SF3B3: variants seen among roughly 807,000 people sequenced by gnomAD.
SF3B3 encodes the protein splicing factor 3b subunit 3.
Under a neutral mutation model 139.2 loss-of-function variants are expected in SF3B3, and 33 were observed. The ratio of observed to expected loss-of-function variants is 0.24; its 90% CI spans 0.18 to 0.32. The LOEUF (loss-of-function observed/expected upper bound fraction) is 0.32, where lower values mean the gene tolerates loss of function less well. Among genes scored for constraint, SF3B3 ranks in the 10% least tolerant of loss-of-function variants. SF3B3 has a pLI of 1.00. For missense variants in SF3B3, 818 were observed against 1,509.4 expected (o/e 0.54, Z 7.59); for synonymous variants, 596 against 563.6 (o/e 1.06, Z -0.81).
intron 15 of SF3B3, among the ~76,000 whole-genome samples, chr16:70,558,891 C>T (rs1220256427): frequency 6.6e-6 from 1 of 152,220 alleles, no homozygotes; most frequent in Non-Finnish European, 1.5e-5. Context: ...GACACCATGC[C>T]TGGTCCTGTC....
intron 7 of SF3B3, 117 bp from the exon 8 acceptor site, chr16:70,538,987 T>C: frequency 1.3e-6 from 1 of 766,998 alleles, no homozygotes; most frequent in Admixed American, 2.0e-5. Flanking sequence ...CCGGAGTTTG[T>C]TGACCCCTGG....
intron 4 of SF3B3, 49 bp downstream of exon 4, chr16:70,530,966 T>G: frequency 1.3e-6 from 2 of 1,534,510 alleles, no homozygotes; most frequent in Non-Finnish European, 1.8e-6. Context: ...CCTCAGTGTT[T>G]TTTTTTAAGA....
At chr16:70,526,295 C>T (rs1403941456) in intron 1 of SF3B3, among the ~76,000 whole-genome samples, 3 of 152,010 alleles carry the variant, frequency 2.0e-5, no homozygotes, top group Non-Finnish European at 2.9e-5. Flanking sequence ...ACAACCTCCG[C>T]CTCCCAGGTT....
rs1422271896 is a variant in SF3B3 at position 70,530,666 on chromosome 16, T to A, written c.398-79T>A. 6.9e-6 allele frequency: 8 copies of A among 1,161,390 alleles called. No individual in the cohort carries two copies. In the Admixed American group the frequency reaches 1.8e-4, roughly 26 times the overall value. The allele number at this position is 1,161,390 out of a possible 1,614,324, so 71.9% of individuals were successfully genotyped here. ...GTTAATAATGATTAAAAGAAAAGCA[T>A]GATGTGACTCTAGCTGTTCTATAAG... On this transcript the variant is annotated intron_variant, in intron 3 of 25. Transcript: ENST00000302516.
chr16:70,556,431 T>G, intron 14 of SF3B3, 97 bp downstream of exon 14: 26 of 1,365,438 alleles, frequency 1.9e-5, no homozygotes, highest in Non-Finnish European at 2.6e-5. Context: ...TGTCTATCTC[T>G]GAGATCAGCT....
intron 15 of SF3B3, among the ~76,000 whole-genome samples, chr16:70,559,826 C>T (rs1178323710): frequency 6.6e-6 from 1 of 150,772 alleles, no homozygotes; most frequent in Non-Finnish European, 1.5e-5. Context: ...TGGTCTTTAG[C>T]TCTTGGCCTC....
chr16:70,531,277 C>T (rs541763863), intron 4 of SF3B3, among the ~76,000 whole-genome samples: 87 of 151,802 alleles, frequency 5.7e-4, no homozygotes, highest in Middle Eastern at 3.4e-3. Flanking sequence ...CAAAAAAAAA[C>T]GAAAAGATCG....
In SF3B3 at chr16:70,568,289, G is replaced by A. The variant is rs1442675321; in HGVS notation, c.2959G>A (p.Ala987Thr). The change falls in exon 22 of 26, where the codon GCC becomes ACC. Residue 987 changes from alanine to threonine, a missense_variant. By Grantham distance (58) the Ala-to-Thr change is moderately conservative. Coordinates refer to ENST00000302516, the MANE Select transcript of SF3B3 (RefSeq NM_012426.5). ...LLRKCENKHI[A>T]NYISGIQTIG... is the part of the protein sequence containing the mutation. The stretch of plus-strand genomic sequence containing the variant: ...TTGTCTTTGTTTTTCCCAGCATATT[G>A]CCAATTATATCTCTGGGATCCAGAC... 1.2e-6 allele frequency: 2 copies of A among 1,609,564 alleles called. No individual in the cohort carries two copies. Among genetic ancestry groups the A allele is most frequent in the Non-Finnish European group, 1.7e-6 (2 of 1,176,108 alleles).
intron 11 of SF3B3, 88 bp from the exon 12 acceptor site, chr16:70,554,358 G>A (rs2050359881): frequency 1.6e-6 from 2 of 1,284,008 alleles, no homozygotes; most frequent in Admixed American, 1.8e-5. Context: ...TGCCTTGGAA[G>A]GTTTCTGAAG....
chr16:70,541,869 TC>T (rs1472263907), intron 9 of SF3B3, 35 bp downstream of exon 9: 2 of 1,571,436 alleles, frequency 1.3e-6, no homozygotes, highest in African/African-American at 2.7e-5. Context: ...CCACAATAGA[TC>T]TAAAGTTAAA....
At chr16:70,536,804 TTTC>T (rs1302015103) in intron 6 of SF3B3, among the ~76,000 whole-genome samples, 1 of 136,440 alleles carries the variant, frequency 7.3e-6, no homozygotes, top group Non-Finnish European at 1.6e-5. Flanking sequence ...GCTAATTTTC[TTTC>T]TTTTTTTTTT....
chr16:70,574,989 A>G lies in SF3B3; in HGVS notation c.*3176A>G. 6.6e-6 allele frequency: 1 copy of G among 152,148 alleles called. No homozygotes were observed. The highest frequency in any genetic ancestry group is 1.5e-5 in the Non-Finnish European group (1 of 68,026). 9.4% of individuals were successfully genotyped at this position (152,148 alleles called of 1,614,324 possible). ...GTCCAAAAAACGTCACAACGGAGGA[A>G]AGGAATAGATGGCTCTCGAGGACAA... is the stretch of plus-strand genomic sequence containing the variant. On this transcript the variant is annotated 3_prime_UTR_variant, in exon 26 of 26. Transcript: ENST00000302516.
At chr16:70,569,838 G>T in intron 23 of SF3B3, 168 bp from the exon 24 acceptor site, 1 of 680,614 alleles carries the variant, frequency 1.5e-6, no homozygotes. Context: ...TGTTGCCCAG[G>T]CTGGTCTTGA....
rs756913889 is a variant in SF3B3, at chr16:70,561,797, C to T, written c.2288+13C>T. 19 of 1,611,934 alleles carry T rather than the reference C, an allele frequency of 1.2e-5. No homozygotes were observed. Among genetic ancestry groups the T allele is most frequent in the South Asian group, 6.6e-5 (6 of 90,872 alleles). On this transcript the variant is annotated intron_variant, in intron 17 of 25. Transcript: ENST00000302516. ...CCAACACCCTACGGTGAGTGAGTCT[C>T]ATGTTTGAAGCTCAGCAGGAAGCCT...
At position 70,561,757 on chromosome 16, in the gene SF3B3, T is replaced by C; in HGVS notation, c.2261T>C (p.Ile754Thr). Reference sequence around the variant, plus strand: ...GCCTCGGAACAGTGTCCCGAGGGCATTGTGGCCATCTCCACCAACACCCTA... The same window carrying C: ...GCCTCGGAACAGTGTCCCGAGGGCACTGTGGCCATCTCCACCAACACCCTA... ...GFASEQCPEGIVAISTNTLRI... is the reference protein window; with the variant it reads ...GFASEQCPEGTVAISTNTLRI... The change falls in exon 17 of 26, where the codon ATT (isoleucine) becomes ACT (threonine). Residue 754 changes from isoleucine to threonine, a missense_variant. By Grantham distance (89) the Ile-to-Thr change is moderately conservative (BLOSUM62 -1). Coordinates refer to ENST00000302516, the MANE Select transcript of SF3B3 (RefSeq NM_012426.5). 1.2e-6 allele frequency: 2 copies of C among 1,613,968 alleles called. No individual in the cohort carries two copies. The highest frequency in any genetic ancestry group is 1.7e-6 in the Non-Finnish European group (2 of 1,179,940).
chr16:70,564,123 C>T, intron 18 of SF3B3, 73 bp downstream of exon 18: 1 of 1,493,038 alleles, frequency 6.7e-7, no homozygotes. Flanking sequence ...AACTGCCCGG[C>T]ACTTTGGGAG....
In SF3B3 at chr16:70,574,173, GTTTTATT is replaced by G. The variant is rs2050555499; in HGVS notation, c.*2366_*2372del. 6.6e-6 allele frequency: 1 copy of G among 152,008 alleles called. No individual in the cohort carries two copies. Among genetic ancestry groups the G allele is most frequent in the African/African-American group, 2.4e-5 (1 of 41,366 alleles). The allele number at this position is 152,008 out of a possible 1,614,324, so 9.4% of individuals were successfully genotyped here. ...AAATTTTTTTTAATTCCTAAGTTCTGTTTTATTTTTTAATTTTTTAAAAAAAATTTTA... is the reference window on the plus strand; with the variant it reads ...AAATTTTTTTTAATTCCTAAGTTCTGTTTTAATTTTTTAAAAAAAATTTTA... On this transcript the variant is annotated 3_prime_UTR_variant, in exon 26 of 26. Transcript: ENST00000302516.
chr16:70,554,170 C>T (rs2050357952), intron 11 of SF3B3: 1 of 301,558 alleles, frequency 3.3e-6, no homozygotes, highest in African/African-American at 2.2e-5. Flanking sequence ...TTTAAAATGT[C>T]CTCATGTCTC....
chr16:70,555,664 G>A (rs1481711575), intron 13 of SF3B3, among the ~76,000 whole-genome samples: 1 of 151,994 alleles, frequency 6.6e-6, no homozygotes, highest in Non-Finnish European at 1.5e-5. Context: ...ACAAATATTT[G>A]GCATAGATTT....
Sources: allele counts gnomAD v4.1 joint callset (sites outside exome capture counted in the v4.1 genomes callset), GRCh38; gene constraint gnomAD v4.1.1; transcripts MANE v1.5; gene names NCBI Gene and HGNC (gene_info 2026-07-23, HGNC 2026-07-21).